The following MBP variants were observed in gnomAD, a reference collection of about 807,000 sequenced individuals.
MBP encodes myelin basic protein, also known as Golli-MBP.
In MBP, 16 loss-of-function variants were observed where a neutral mutation model predicts 35.8. That is an observed-to-expected ratio of 0.45 (90% confidence interval 0.30 to 0.68). The LOEUF (loss-of-function observed/expected upper bound fraction) is 0.68, where lower values mean the gene tolerates loss of function less well. Ranked by LOEUF, MBP falls within the 30% of genes least tolerant of loss-of-function variation. The pLI is 0.08. For missense variants in MBP, 380 were observed against 404.7 expected (o/e 0.94, Z 0.52); for synonymous variants, 143 against 159.6 (o/e 0.90, Z 0.78).
chr18:77,017,875 G>GA (rs1290674345), intron 3 of MBP: 1 of 152,194 alleles, frequency 6.6e-6, no homozygotes, highest in African/African-American at 2.4e-5. Flanking sequence ...GAAACAATTA[G>GA]AAATCTGAAG....
rs1972379653 is a variant in MBP, at chr18:77,028,802, T to C, written c.140-11534A>G. On this transcript the variant is annotated intron_variant, in intron 3 of 8. Transcript: ENST00000355994. ...GGTGGCTGCTGGGCGGAGGGACTCCTGACTTCTCAGACGGGGCGGCCGGGC... is the reference window on the plus strand; with the variant it reads ...GGTGGCTGCTGGGCGGAGGGACTCCCGACTTCTCAGACGGGGCGGCCGGGC... 3.3e-5 allele frequency among the ~76,000 whole-genome samples: 3 copies of C among 89,692 alleles called. 1 individual carries two copies. Among genetic ancestry groups the C allele is most frequent in the South Asian group, 7.6e-4 (2 of 2,622 alleles). The allele number at this position is 89,692 out of a possible 152,430, so 58.8% of individuals were successfully genotyped here.
intron 2 of MBP, among the ~76,000 whole-genome samples, chr18:77,086,647 G>A (rs1251407408): frequency 6.6e-6 from 1 of 152,164 alleles, no homozygotes; most frequent in Admixed American, 6.5e-5. Context: ...TATTTTAAGC[G>A]CTAAGGGAAT....
At chr18:76,998,689 T>C (rs1038918990) in intron 4 of MBP, among the ~76,000 whole-genome samples, 3 of 152,186 alleles carry the variant, frequency 2.0e-5, no homozygotes, top group African/African-American at 7.2e-5. Context: ...TTTACATTTA[T>C]GAGATGAGAC....
chr18:77,077,845 G>C (rs1252630138), intron 2 of MBP, among the ~76,000 whole-genome samples: 1 of 152,232 alleles, frequency 6.6e-6, no homozygotes, highest in Non-Finnish European at 1.5e-5. Flanking sequence ...AACTTAACCA[G>C]GATCACCAAG....
At chr18:77,008,121 C>T (rs866772724) in intron 4 of MBP, among the ~76,000 whole-genome samples, 16 of 152,250 alleles carry the variant, frequency 1.1e-4, no homozygotes, top group African/African-American at 2.4e-4. Flanking sequence ...GGGGCCAAGC[C>T]GCTACCTGCC....
At chr18:77,009,993 T>C in intron 4 of MBP, 1 of 1,092,192 alleles carries the variant, frequency 9.2e-7, no homozygotes. Flanking sequence ...CCCAAAGTCC[T>C]CCAGCAAATC....
intron 2 of MBP, among the ~76,000 whole-genome samples, chr18:77,078,058 C>T (rs1974734855): frequency 6.6e-6 from 1 of 152,230 alleles, no homozygotes. Context: ...CTCCTTATCT[C>T]CCAGCCCCAG....
At chr18:77,066,654 T>C (rs1974212058) in intron 2 of MBP, 1 of 659,990 alleles carries the variant, frequency 1.5e-6, no homozygotes, top group South Asian at 1.4e-5. Context: ...TCAGCCTAGG[T>C]AAAATAAATT....
intron 2 of MBP, among the ~76,000 whole-genome samples, chr18:77,095,846 A>G (rs933714382): frequency 4.6e-5 from 7 of 152,202 alleles, no homozygotes; most frequent in African/African-American, 1.7e-4. Flanking sequence ...CAGTTCCTCA[A>G]CGTCAGCACC....
At position 77,034,167 on chromosome 18, in the gene MBP, C is replaced by T. The variant is rs1169798257; in HGVS notation, c.140-16899G>A. On this transcript the variant is annotated intron_variant, in intron 3 of 8. Coordinates refer to ENST00000355994, the MANE Select transcript of MBP (RefSeq NM_001025101.2). ...AAGTGGAAGTCAGAGAGATTCTAGG[C>T]TGAGAAGGATTTGAAGCGCCAGGGA... Among the ~76,000 whole-genome samples the T allele has an allele frequency of 3.3e-5, 5 of 150,916 alleles. No homozygotes were observed. The East Asian group carries it at 9.8e-4, about 29-fold the overall frequency.
intron 4 of MBP, chr18:77,014,204 TC>T (rs1971499212): frequency 1.0e-6 from 1 of 985,430 alleles, no homozygotes; most frequent in East Asian, 1.1e-4. Flanking sequence ...GAATGTCAGC[TC>T]CCAGCAACAC....
intron 7 of MBP, 24 bp from the exon 8 acceptor site, chr18:76,984,918 C>T: frequency 6.2e-7 from 1 of 1,611,294 alleles, no homozygotes; most frequent in Non-Finnish European, 8.5e-7. Context: ...CCACGGAGCT[C>T]AACCTCCACC....
At chr18:76,990,431 G>A (rs1221602879) in intron 4 of MBP, among the ~76,000 whole-genome samples, 6 of 152,126 alleles carry the variant, frequency 3.9e-5, no homozygotes, top group Non-Finnish European at 8.8e-5. Flanking sequence ...GGCCTAATAT[G>A]ATTCTTGCAG....
rs780036086 is a variant in MBP, at chr18:77,066,361, A to G, written c.76T>C (p.Ser26Pro). The G allele has an allele frequency of 5.6e-6, 9 of 1,613,278 alleles. No individual in the cohort carries two copies. The South Asian group carries it at 8.8e-5, about 16-fold the overall frequency. The change falls in exon 3 of 9, where the codon TCT (serine) becomes CCT (proline). Residue 26 changes from serine to proline, a missense_variant. Coordinates refer to ENST00000355994, the MANE Select transcript of MBP (RefSeq NM_001025101.2). ...STNSETNRGE[S>P]EKKRNLGELS... ...TCACCCAGGTTTCTCTTTTTTTCAG[A>G]TTCTCCTCTGTTAGTTTCACTATTC...
At chr18:77,010,795 T>G (rs1031630345) in intron 4 of MBP, among the ~76,000 whole-genome samples, 5 of 152,170 alleles carry the variant, frequency 3.3e-5, no homozygotes, top group Admixed American at 1.3e-4. Flanking sequence ...TCAATGAACT[T>G]TGAGGGCTGC....
intron 1 of MBP, chr18:77,115,853 T>G (rs1159431470): frequency 5.9e-5 from 9 of 152,200 alleles, no homozygotes; most frequent in Admixed American, 4.6e-4. Flanking sequence ...CAGAACCTTC[T>G]GGAATTTTCC....
chr18:77,050,877 A>G (rs904219358), intron 3 of MBP, among the ~76,000 whole-genome samples: 8 of 152,100 alleles, frequency 5.3e-5, no homozygotes, highest in Admixed American at 4.6e-4. Flanking sequence ...GCATGTCTTA[A>G]TCATCTCAAG....
At chr18:77,029,675 T>G (rs1301540363) in intron 3 of MBP, among the ~76,000 whole-genome samples, 1 of 152,160 alleles carries the variant, frequency 6.6e-6, no homozygotes. Context: ...ATTTTTACCT[T>G]GGCTTTAAAA....
intron 8 of MBP, 186 bp from the exon 9 acceptor site, chr18:76,980,657 A>T (rs1258224909): frequency 1.7e-6 from 1 of 590,230 alleles, no homozygotes; most frequent in Non-Finnish European, 3.0e-6. Context: ...AGCAAATGCT[A>T]ATTGAATTTC....
Sources: gnomAD v4.1 joint callset for allele counts (sites outside exome capture counted in the v4.1 genomes callset) on GRCh38, gnomAD v4.1.1 for gene constraint, MANE v1.5 for transcripts, NCBI Gene and HGNC (gene_info 2026-07-23, HGNC 2026-07-21) for gene names.